MARCHF1: variants seen among roughly 807,000 people sequenced by gnomAD.
MARCHF1 encodes membrane associated ring-CH-type finger 1, also known as E3 ubiquitin-protein ligase MARCHF1.
MARCHF1 carries 40 observed loss-of-function variants against 54.2 expected under a neutral mutation model. That is an observed-to-expected ratio of 0.74 (90% CI 0.57 to 0.96). The LOEUF is 0.96. Ranked by LOEUF, MARCHF1 falls within the 40% of genes least tolerant of loss-of-function variation. The probability of loss-of-function intolerance (pLI) is 0.00; values close to 1 mark genes in which losing one functional copy is unlikely to be tolerated. For missense variants in MARCHF1, 586 were observed against 656.5 expected (o/e 0.89, Z 1.17); for synonymous variants, 236 against 236.3 (o/e 1.00, Z 0.01).
intron 1 of MARCHF1, among the ~76,000 whole-genome samples, chr4:164,328,836 A>G (rs1221832594): frequency 6.6e-6 from 1 of 152,090 alleles, no homozygotes; most frequent in Non-Finnish European, 1.5e-5. Flanking sequence ...GGCCACATGA[A>G]ATATTTTTAA....
chr4:164,220,219 T>C (rs576660451), intron 1 of MARCHF1, among the ~76,000 whole-genome samples: 57 of 149,982 alleles, frequency 3.8e-4, no homozygotes, highest in African/African-American at 1.4e-3. Context: ...TTCCTATATA[T>C]ATATACACAC....
intron 2 of MARCHF1, among the ~76,000 whole-genome samples, chr4:164,012,252 C>T (rs1010487824): frequency 6.6e-6 from 1 of 152,068 alleles, no homozygotes; most frequent in African/African-American, 2.4e-5. Context: ...CAGTGTCACC[C>T]CTCCTACAAC....
chr4:164,115,615 A>T (rs1471819227), intron 1 of MARCHF1, among the ~76,000 whole-genome samples: 1 of 152,054 alleles, frequency 6.6e-6, no homozygotes, highest in Non-Finnish European at 1.5e-5. Flanking sequence ...CATTGCAGAA[A>T]TGAGTCAAGT....
chr4:164,325,748 G>A (rs1037496210), intron 1 of MARCHF1, among the ~76,000 whole-genome samples: 3 of 151,684 alleles, frequency 2.0e-5, no homozygotes, highest in Non-Finnish European at 4.4e-5. Flanking sequence ...AAATAAAAAA[G>A]ACCTCAGTGC....
At position 164,262,989 on chromosome 4, in the gene MARCHF1, ATAAG is replaced by A. The variant is rs780876976; in HGVS notation, c.-323+120877_-323+120880del. ...ATATTTGCTTCCCCTTCCTAGTGTA[ATAAG>A]TAAGTTACAAATGGCTTCAGGAAGG... is the stretch of plus-strand genomic sequence containing the variant. On this transcript the variant is annotated intron_variant, in intron 1 of 9. Coordinates refer to ENST00000514618, the MANE Select transcript of MARCHF1 (RefSeq NM_001394959.1). Among the ~76,000 whole-genome samples, 245 of 152,342 alleles carry A rather than the reference ATAAG, an allele frequency of 1.6e-3. 1 individual carries two copies. Among genetic ancestry groups the A allele is most frequent in the Non-Finnish European group, 2.5e-3 (171 of 68,036 alleles).
chr4:163,978,537 A>C (rs1439073314), intron 3 of MARCHF1, among the ~76,000 whole-genome samples: 1 of 152,118 alleles, frequency 6.6e-6, no homozygotes, highest in Non-Finnish European at 1.5e-5. Flanking sequence ...GAGGAAACTG[A>C]GGCACAGAGA....
chr4:164,243,630 A>T (rs958113557), intron 1 of MARCHF1, among the ~76,000 whole-genome samples: 3 of 151,880 alleles, frequency 2.0e-5, no homozygotes, highest in African/African-American at 7.2e-5. Context: ...ATGTCAATGG[A>T]CTAAATGCTC....
At chr4:163,702,062 CTG>C (rs1312086124) in intron 4 of MARCHF1, among the ~76,000 whole-genome samples, 1 of 152,208 alleles carries the variant, frequency 6.6e-6, no homozygotes, top group Admixed American at 6.5e-5. Context: ...CAAACTGTCA[CTG>C]TGTCATGTGC....
intron 4 of MARCHF1, among the ~76,000 whole-genome samples, chr4:163,725,322 A>T (rs1745618239): frequency 6.6e-6 from 1 of 152,232 alleles, no homozygotes; most frequent in East Asian, 1.9e-4. Flanking sequence ...CAAAAAATAC[A>T]AAAAAGTTAA....
chr4:164,368,056 CAAT>C (rs976160438), intron 1 of MARCHF1, among the ~76,000 whole-genome samples: 2 of 139,096 alleles, frequency 1.4e-5, no homozygotes, highest in Admixed American at 7.2e-5. Flanking sequence ...TAAAAAAAGA[CAAT>C]AAAAGATTAA....
intron 1 of MARCHF1, among the ~76,000 whole-genome samples, chr4:164,132,280 CA>C (rs1330733464): frequency 6.6e-6 from 1 of 152,022 alleles, no homozygotes; most frequent in African/African-American, 2.4e-5. Flanking sequence ...TTTTTTTAAA[CA>C]ATCACTTTTT....
chr4:164,347,154 T>C (rs1298219848), intron 1 of MARCHF1, among the ~76,000 whole-genome samples: 1 of 151,946 alleles, frequency 6.6e-6, no homozygotes, highest in African/African-American at 2.4e-5. Context: ...AAAGAACATG[T>C]GAAAAAAAAA....
Position 163,528,669 on chromosome 4 carries a change from T to C in MARCHF1, c.*79A>G. ...AGGAGGAGCTGAAGGGAGTAAATAATTCAAGATCACTTCTGTCATTTGTAG... is the reference window on the plus strand; with the variant it reads ...AGGAGGAGCTGAAGGGAGTAAATAACTCAAGATCACTTCTGTCATTTGTAG... On this transcript the variant is annotated 3_prime_UTR_variant, in exon 10 of 10. Transcript: ENST00000514618. The C allele has an allele frequency of 1.4e-6, 2 of 1,414,058 alleles. No homozygotes were observed. Among genetic ancestry groups the C allele is most frequent in the South Asian group, 1.4e-5 (1 of 72,902 alleles). The allele number at this position is 1,414,058 out of a possible 1,614,324, so 87.6% of individuals were successfully genotyped here.
At chr4:163,538,351 A>G (rs1252705425) in intron 9 of MARCHF1, among the ~76,000 whole-genome samples, 1 of 152,030 alleles carries the variant, frequency 6.6e-6, no homozygotes, top group Non-Finnish European at 1.5e-5. Context: ...ACACACACAC[A>G]CAAATCCCCC....
chr4:164,311,275 T>C (rs1045311242), intron 1 of MARCHF1, among the ~76,000 whole-genome samples: 4 of 152,044 alleles, frequency 2.6e-5, no homozygotes, highest in African/African-American at 9.7e-5. Context: ...TTCTCCAGGG[T>C]AATACTGGGA....
At chr4:163,768,183 C>A (rs28662907) in intron 4 of MARCHF1, among the ~76,000 whole-genome samples, 22,944 of 152,130 alleles carry the variant, frequency 0.15, 2,922 homozygotes, top group East Asian at 0.37. Context: ...TAGGAGCTTG[C>A]GCAATCTATG....
At chr4:164,234,171 C>A (rs1732486920) in intron 1 of MARCHF1, among the ~76,000 whole-genome samples, 2 of 152,016 alleles carry the variant, frequency 1.3e-5, no homozygotes, top group Admixed American at 1.3e-4. Context: ...GGATAATTAC[C>A]TTCTGGATGC....
chr4:164,190,261 T>A, intron 1 of MARCHF1: 1 of 1,063,880 alleles, frequency 9.4e-7, no homozygotes, highest in Non-Finnish European at 1.4e-6. Flanking sequence ...GTTCAGCCAC[T>A]TATCAGCAAA....
At chr4:164,008,816 T>C (rs574005810) in intron 2 of MARCHF1, among the ~76,000 whole-genome samples, 2 of 151,812 alleles carry the variant, frequency 1.3e-5, no homozygotes, top group African/African-American at 2.4e-5. Context: ...CCAAAATATA[T>C]GGGATATGGC....
Sources: gnomAD v4.1 joint callset for allele counts (sites outside exome capture counted in the v4.1 genomes callset) on GRCh38, gnomAD v4.1.1 for gene constraint, MANE v1.5 for transcripts, NCBI Gene and HGNC (gene_info 2026-07-23, HGNC 2026-07-21) for gene names.